BICD1: variants seen among roughly 807,000 people sequenced by gnomAD.
The protein encoded by BICD1 is protein bicaudal D homolog 1.
A neutral mutation model predicts 92.5 loss-of-function variants in BICD1; 35 were observed. That is an observed-to-expected ratio of 0.38 (90% CI 0.29 to 0.50). The LOEUF is 0.50. Ranked by LOEUF, BICD1 falls within the 20% of genes least tolerant of loss-of-function variation. BICD1 has a pLI of 0.93. For missense variants in BICD1, 950 were observed against 1,189.8 expected (o/e 0.80, Z 2.97); for synonymous variants, 429 against 465.1 (o/e 0.92, Z 1.00).
chr12:32,258,442 C>T (rs993950515), intron 2 of BICD1, among the ~76,000 whole-genome samples: 2 of 151,896 alleles, frequency 1.3e-5, no homozygotes, highest in East Asian at 1.9e-4. Flanking sequence ...TGGGGCTTAG[C>T]GGGTGTTCTC....
chr12:32,221,808 CAAT>C (rs1322348580), intron 2 of BICD1, among the ~76,000 whole-genome samples: 1 of 151,938 alleles, frequency 6.6e-6, no homozygotes, highest in Non-Finnish European at 1.5e-5. Flanking sequence ...CCTACAGGGC[CAAT>C]AATAGGCAGA....
chr12:32,275,128 CCT>C (rs1252995982), intron 2 of BICD1, among the ~76,000 whole-genome samples: 2 of 151,906 alleles, frequency 1.3e-5, no homozygotes, highest in African/African-American at 4.8e-5. Context: ...ATTTCAGTCC[CCT>C]GAGGGATTAA....
At chr12:32,271,168 C>T (rs1392639486) in intron 2 of BICD1, among the ~76,000 whole-genome samples, 5 of 152,214 alleles carry the variant, frequency 3.3e-5, no homozygotes, top group Admixed American at 6.5e-5. Context: ...CCTACAAACA[C>T]TCCATTTTCT....
chr12:32,277,206 C>G (rs1463641843), intron 2 of BICD1, among the ~76,000 whole-genome samples: 1 of 152,070 alleles, frequency 6.6e-6, no homozygotes, highest in Non-Finnish European at 1.5e-5. Flanking sequence ...CCAGCCTGGC[C>G]AATCTGTTGA....
intron 1 of BICD1, among the ~76,000 whole-genome samples, chr12:32,187,411 C>T (rs1464911504): frequency 1.3e-5 from 2 of 152,238 alleles, no homozygotes; most frequent in South Asian, 2.1e-4. Context: ...CGGTGGCTCA[C>T]GTCTGTAATC....
intron 2 of BICD1, among the ~76,000 whole-genome samples, chr12:32,263,016 C>T (rs7134330): frequency 0.077 from 11,627 of 151,798 alleles, 516 homozygotes; most frequent in African/African-American, 0.11. Flanking sequence ...TGGTGGTGCA[C>T]GCCTGTAGTC....
At chr12:32,208,995 C>T (rs901349414) in intron 1 of BICD1, among the ~76,000 whole-genome samples, 5 of 151,852 alleles carry the variant, frequency 3.3e-5, no homozygotes, top group African/African-American at 4.8e-5. Flanking sequence ...CCATCACAGC[C>T]GGCTAATTTT....
rs545764620 is a variant in BICD1, at chr12:32,350,319, C to T, written c.2764+11340C>T. ...GCAACATGGTGAAACCCTGTCTCTA[C>T]AAAAAAAACAAAAATTAGCCAGGCA... On this transcript the variant is annotated intron_variant, in intron 8 of 9. Coordinates refer to ENST00000652176, the MANE Select transcript of BICD1 (RefSeq NM_001714.4). 7.6e-4 allele frequency among the ~76,000 whole-genome samples: 115 copies of T among 151,740 alleles called. 2 individuals are homozygous for T. In the South Asian group the frequency reaches 0.023, roughly 31 times the overall value.
chr12:32,147,550 C>T (rs971935631), intron 1 of BICD1, among the ~76,000 whole-genome samples: 1 of 152,248 alleles, frequency 6.6e-6, no homozygotes, highest in Admixed American at 6.5e-5. Context: ...TCATTATTTA[C>T]CTCAACTGCT....
chr12:32,123,833 C>T (rs979488424), intron 1 of BICD1, among the ~76,000 whole-genome samples: 2 of 151,300 alleles, frequency 1.3e-5, no homozygotes, highest in African/African-American at 4.9e-5. Flanking sequence ...GCCGAGATTG[C>T]GCCACTGCAC....
chr12:32,143,918 G>A (rs927683710), intron 1 of BICD1, among the ~76,000 whole-genome samples: 2 of 151,840 alleles, frequency 1.3e-5, no homozygotes, highest in South Asian at 2.1e-4. Flanking sequence ...TTTTTATTTC[G>A]ATTTCCTAAT....
At chr12:32,212,395 C>T (rs755465258) in intron 1 of BICD1, among the ~76,000 whole-genome samples, 1 of 152,110 alleles carries the variant, frequency 6.6e-6, no homozygotes, top group Non-Finnish European at 1.5e-5. Flanking sequence ...TAGATGATAG[C>T]GTAGCCCAGA....
intron 2 of BICD1, among the ~76,000 whole-genome samples, chr12:32,217,202 C>T (rs776790244): frequency 4.6e-5 from 7 of 152,134 alleles, no homozygotes; most frequent in African/African-American, 9.7e-5. Flanking sequence ...TCATTCACTC[C>T]GTATTTTGAT....
At chr12:32,233,817 G>A (rs1200126071) in intron 2 of BICD1, among the ~76,000 whole-genome samples, 7 of 151,866 alleles carry the variant, frequency 4.6e-5, no homozygotes, top group South Asian at 2.1e-4. Flanking sequence ...TTTTTTTTAC[G>A]TCTTGACCTC....
intron 8 of BICD1, among the ~76,000 whole-genome samples, chr12:32,364,642 T>C (rs1358335534): frequency 6.6e-6 from 1 of 152,230 alleles, no homozygotes; most frequent in Non-Finnish European, 1.5e-5. Context: ...TTATAAATAA[T>C]AAATGAAAAA....
intron 3 of BICD1, among the ~76,000 whole-genome samples, chr12:32,297,285 G>GC (rs1280605583): frequency 6.6e-6 from 1 of 152,158 alleles, no homozygotes; most frequent in African/African-American, 2.4e-5. Flanking sequence ...TCGGCTCACT[G>GC]CAACCTCCGC....
At chr12:32,168,648 C>T (rs1047890057) in intron 1 of BICD1, among the ~76,000 whole-genome samples, 3 of 152,336 alleles carry the variant, frequency 2.0e-5, no homozygotes, top group Non-Finnish European at 4.4e-5. Flanking sequence ...GAACCACTCT[C>T]TTAATCGGGT....
intron 2 of BICD1, among the ~76,000 whole-genome samples, chr12:32,217,583 C>T (rs1945397583): frequency 6.6e-6 from 1 of 152,076 alleles, no homozygotes; most frequent in Non-Finnish European, 1.5e-5. Flanking sequence ...AGCAATATGA[C>T]TTGTGAAGAC....
At chr12:32,357,289 A>G (rs1053738722) in intron 8 of BICD1, among the ~76,000 whole-genome samples, 8 of 152,294 alleles carry the variant, frequency 5.3e-5, no homozygotes, top group African/African-American at 1.9e-4. Flanking sequence ...CTGGGATTAC[A>G]GGCATGAGCA....
Sources: gnomAD v4.1 joint callset for allele counts (sites outside exome capture counted in the v4.1 genomes callset) on GRCh38, gnomAD v4.1.1 for gene constraint, MANE v1.5 for transcripts, NCBI Gene and HGNC (gene_info 2026-07-23, HGNC 2026-07-21) for gene names.